The following CCDC61 variants were observed in gnomAD, a reference collection of about 807,000 sequenced individuals.
CCDC61 encodes centrosomal protein CCDC61.
A neutral mutation model predicts 63.0 loss-of-function variants in CCDC61; 55 were observed. The ratio of observed to expected loss-of-function variants is 0.87; its 90% CI spans 0.70 to 1.09. The LOEUF (loss-of-function observed/expected upper bound fraction) is 1.09. Ranked by LOEUF, CCDC61 falls within the 50% of genes least tolerant of loss-of-function variation. The pLI is 0.00. For missense variants in CCDC61, 651 were observed against 731.4 expected (o/e 0.89, Z 1.27); for synonymous variants, 270 against 317.0 (o/e 0.85, Z 1.58).
chr19:46,001,447 G>A (rs1268927719), intron 1 of CCDC61, among the ~76,000 whole-genome samples: 1 of 152,142 alleles, frequency 6.6e-6, no homozygotes, highest in Non-Finnish European at 1.5e-5. Context: ...GGCCGGTCTC[G>A]AGCTGACCTC....
At position 46,015,164 on chromosome 19, in the gene CCDC61, G is replaced by A. The variant is rs972346822; in HGVS notation, c.667G>A (p.Val223Met). ...RQEAEALRGL[V>M]RGLELELRQE... ...GGAGGCCGAGGCGCTGCGCGGGCTG[G>A]TGCGCGGGCTGGAGCTGGAGCTGCG... The change falls in exon 6 of 14, where the codon GTG (valine) becomes ATG (methionine). Residue 223 changes from valine to methionine, a missense_variant. Transcript: ENST00000595358. The surrounding 1 kb of genome is among the most constrained non-coding windows in gnomAD (Gnocchi z 5.3). 1.8e-5 allele frequency: 23 copies of A among 1,266,432 alleles called. 1 individual carries two copies. The African/African-American group carries it at 2.8e-4, about 15-fold the overall frequency. 78.4% of individuals were successfully genotyped at this position (1,266,432 alleles called of 1,614,324 possible).
At chr19:46,007,156 C>T (rs571539448) in intron 4 of CCDC61, among the ~76,000 whole-genome samples, 1 of 151,300 alleles carries the variant, frequency 6.6e-6, no homozygotes, top group Admixed American at 6.6e-5. Flanking sequence ...TCAAGCAATT[C>T]TTGTGCCTCA....
rs1323186087 is a variant in CCDC61, at chr19:46,015,328, CT to C, written c.763-16del. The C allele has an allele frequency of 1.3e-6, 2 of 1,595,678 alleles. No homozygotes were observed. The highest frequency in any genetic ancestry group is 1.7e-6 in the Non-Finnish European group (2 of 1,177,088). On this transcript the variant is annotated splice_polypyrimidine_tract_variant and intron_variant, in intron 6 of 13. Coordinates refer to ENST00000595358, the MANE Select transcript of CCDC61 (RefSeq NM_001267723.2). The surrounding 1 kb of genome is among the most constrained non-coding windows in gnomAD (Gnocchi z 5.3). ...GGCCTCAGCCTGGACCTCCGCGCCCCTCTCCCCTCCCGGCAGCTCGAGGAGG... is the reference window on the plus strand; with the variant it reads ...GGCCTCAGCCTGGACCTCCGCGCCCCCTCCCCTCCCGGCAGCTCGAGGAGG...
rs754231691 is a variant in CCDC61 at position 46,015,286 on chromosome 19, A to G, written c.762+27A>G. ...TGAGCAGCGGGGGCCCGGGGCGGCC[A>G]GCGAGGCGCGGACCTCGGCCTCAGC... On this transcript the variant is annotated intron_variant, in intron 6 of 13. Transcript: ENST00000595358. The surrounding 1 kb of genome is among the most constrained non-coding windows in gnomAD (Gnocchi z 5.3). 2 of 1,549,856 alleles carry G rather than the reference A, an allele frequency of 1.3e-6. No homozygotes were observed. The highest frequency in any genetic ancestry group is 1.7e-6 in the Non-Finnish European group (2 of 1,157,970).
In CCDC61 at chr19:46,016,669, C is replaced by A. The variant is rs1968943103; in HGVS notation, c.1092-25C>A. On this transcript the variant is annotated intron_variant, in intron 9 of 13. Coordinates refer to ENST00000595358, the MANE Select transcript of CCDC61 (RefSeq NM_001267723.2). The surrounding 1 kb of genome is among the most constrained non-coding windows in gnomAD (Gnocchi z 7.2). ...GCCTGCAGGAGTTGGGCGTACAGAC[C>A]GGCGTCTCCTTTCTTTTTTCCCAGG... is the stretch of plus-strand genomic sequence containing the variant. 1 of 1,610,734 alleles carries A rather than the reference C, an allele frequency of 6.2e-7. No homozygotes were observed. The highest frequency in any genetic ancestry group is 1.3e-5 in the African/African-American group (1 of 74,894).
intron 3 of CCDC61, 55 bp downstream of exon 3, chr19:46,003,556 CA>C: frequency 7.5e-7 from 1 of 1,327,896 alleles, no homozygotes; most frequent in Non-Finnish European, 1.1e-6. Flanking sequence ...TTCCAGGTTC[CA>C]GGGGGGTTGA....
intron 1 of CCDC61, among the ~76,000 whole-genome samples, chr19:46,001,315 C>T (rs1037575656): frequency 2.6e-5 from 4 of 152,170 alleles, no homozygotes; most frequent in African/African-American, 9.7e-5. Flanking sequence ...CAACCTCTGC[C>T]TCCCGGGTTC....
In CCDC61 at chr19:46,005,712, C is replaced by T. The variant is rs190400162; in HGVS notation, c.232-847C>T. Among the ~76,000 whole-genome samples, 528 of 151,994 alleles carry T rather than the reference C, an allele frequency of 3.5e-3. 6 individuals are homozygous for T. Among genetic ancestry groups the T allele is most frequent in the Non-Finnish European group, 3.6e-3 (244 of 68,010 alleles). On this transcript the variant is annotated intron_variant, in intron 3 of 13. Coordinates refer to ENST00000595358, the MANE Select transcript of CCDC61 (RefSeq NM_001267723.2). ...CTGTTAGCTGTTTTTCTTGAAGTGA[C>T]AGGCTCACTTTGTTCGTTTTTGAGA...
intron 3 of CCDC61, 76 bp downstream of exon 3, chr19:46,003,577 G>GATGATGT: frequency 9.8e-7 from 1 of 1,024,580 alleles, no homozygotes; most frequent in Non-Finnish European, 1.5e-6. Context: ...ATGCCCATCT[G>GATGATGT]ATGTATGTAA....
intron 5 of CCDC61, among the ~76,000 whole-genome samples, chr19:46,009,492 T>C (rs1968782498): frequency 6.6e-6 from 1 of 152,234 alleles, no homozygotes; most frequent in South Asian, 2.1e-4. Flanking sequence ...ACTGCTATTA[T>C]CACCGTTTGA....
rs572655995 is a variant in CCDC61 at position 46,004,852 on chromosome 19, T to C, written c.231+1351T>C. Among the ~76,000 whole-genome samples the C allele has an allele frequency of 6.7e-4, 98 of 146,032 alleles. 4 individuals are homozygous for C. The South Asian group carries it at 0.021, about 31-fold the overall frequency. ...TTAGATATCTTTTTTTTTTTTTTTT[T>C]TTTTTTTTTGAGACAAGAGTTTTGC... On this transcript the variant is annotated intron_variant, in intron 3 of 13. Coordinates refer to ENST00000595358, the MANE Select transcript of CCDC61 (RefSeq NM_001267723.2).
rs1308143174 is a variant in CCDC61, at chr19:46,008,430, CAA to C, written c.551+130_551+131del. On this transcript the variant is annotated intron_variant, in intron 5 of 13. Transcript: ENST00000595358. The stretch of plus-strand genomic sequence containing the variant: ...ACCACGTATTCTTTTTTTTTTGAGA[CAA>C]GAGTCTCACTCTGTTGCCCAGGCTG... 1.5e-4 allele frequency: 119 copies of C among 819,318 alleles called. 1 individual carries two copies. The African/African-American group carries it at 1.9e-3, about 13-fold the overall frequency. The allele number at this position is 819,318 out of a possible 1,614,324, so 50.8% of individuals were successfully genotyped here. A position where few individuals can be genotyped will look rare whatever the true frequency, so the allele number is the denominator to read the frequency against.
rs528694235 is a variant in CCDC61 at position 46,005,080 on chromosome 19, G to A, written c.232-1479G>A. ...GGCTGGAGTGCAGTGGCATGATATT[G>A]GCTCACTGCAACCTCCGCCTCCCGA... On this transcript the variant is annotated intron_variant, in intron 3 of 13. Transcript: ENST00000595358. Among the ~76,000 whole-genome samples the A allele has an allele frequency of 2.3e-4, 35 of 151,380 alleles. No homozygotes were observed. In the South Asian group the frequency reaches 7.1e-3, roughly 31 times the overall value.
intron 4 of CCDC61, among the ~76,000 whole-genome samples, chr19:46,007,052 G>A (rs2146468013): frequency 8.3e-6 from 1 of 120,922 alleles, no homozygotes; most frequent in African/African-American, 3.9e-5. Context: ...TAATGTGTTG[G>A]CTTTTTTTTT....
At position 45,995,611 on chromosome 19, in the gene CCDC61, G is replaced by A. The variant is rs371439654; in HGVS notation, c.-12+107G>A. On this transcript the variant is annotated intron_variant, in intron 1 of 13. Coordinates refer to ENST00000595358, the MANE Select transcript of CCDC61 (RefSeq NM_001267723.2). ...GTGGGCTGCGGTGGGCAGCTGACCT[G>A]GCCTTGTAGGAATCGGGAGGGAGGG... The A allele has an allele frequency of 7.9e-4, 297 of 375,954 alleles. 1 individual carries two copies. The highest frequency in any genetic ancestry group is 6.2e-3 in the African/African-American group (291 of 47,116). The allele number at this position is 375,954 out of a possible 1,614,324, so 23.3% of individuals were successfully genotyped here.
At chr19:46,010,386 C>G (rs1968805864) in intron 5 of CCDC61, among the ~76,000 whole-genome samples, 1 of 152,214 alleles carries the variant, frequency 6.6e-6, no homozygotes, top group Non-Finnish European at 1.5e-5. Context: ...GAAACGGACA[C>G]TCCTCTACAT....
In CCDC61 at chr19:46,018,209, CG is replaced by C. The variant is rs1968989593; in HGVS notation, c.1441+62del. On this transcript the variant is annotated intron_variant, in intron 13 of 13. Coordinates refer to ENST00000595358, the MANE Select transcript of CCDC61 (RefSeq NM_001267723.2). The surrounding 1 kb of genome is among the most constrained non-coding windows in gnomAD (Gnocchi z 4.2). ...CCCAGGACCCGTTGGAATGGTAGTG[CG>C]GGCAGTGGTATATTGGGCCCAGGAA... is the stretch of plus-strand genomic sequence containing the variant. 6.4e-7 allele frequency: 1 copy of C among 1,552,408 alleles called. No homozygotes were observed. Among genetic ancestry groups the C allele is most frequent in the Non-Finnish European group, 8.7e-7 (1 of 1,144,334 alleles).
Position 46,016,811 on chromosome 19 carries a change from C to CTT in CCDC61, c.1210_1211insTT (p.Ser404PhefsTer54). On this transcript the variant is annotated frameshift_variant, in exon 10 of 14. Transcript: ENST00000595358. LOFTEE classifies it high-confidence loss of function. This position sits in a 1 kb window ranked among gnomAD's most constrained non-coding sequence, Gnocchi z 7.2. ...CTGGCCGAGGGGACGCCCCTAACCGCTCCCGAAACCGCAGCTCCTCAGGTA... is the reference window on the plus strand; with the variant it reads ...CTGGCCGAGGGGACGCCCCTAACCGCTTTCCCGAAACCGCAGCTCCTCAGGTA... 2 of 1,523,158 alleles carry CTT rather than the reference C, an allele frequency of 1.3e-6. No individual in the cohort carries two copies. The highest frequency in any genetic ancestry group is 1.8e-6 in the Non-Finnish European group (2 of 1,133,972). 94.4% of individuals were successfully genotyped at this position (1,523,158 alleles called of 1,614,324 possible).
intron 5 of CCDC61, among the ~76,000 whole-genome samples, chr19:46,011,152 G>A (rs1337763632): frequency 1.3e-5 from 2 of 151,258 alleles, no homozygotes; most frequent in Admixed American, 6.6e-5. Context: ...GGGCTCAAGC[G>A]ATTCTCCCAC....
Sources: allele counts gnomAD v4.1 joint callset (sites outside exome capture counted in the v4.1 genomes callset), GRCh38; gene constraint gnomAD v4.1.1; non-coding constraint Gnocchi (gnomAD v3.1); transcripts MANE v1.5; gene names NCBI Gene and HGNC (gene_info 2026-07-23, HGNC 2026-07-21).